OTOG: variants seen among roughly 807,000 people sequenced by gnomAD.
The protein encoded by OTOG is otogelin.
Under a neutral mutation model 313.8 loss-of-function variants are expected in OTOG, and 296 were observed. That is an observed-to-expected ratio of 0.94 (90% CI 0.86 to 1.04). The LOEUF is 1.04. Ranked by LOEUF, OTOG falls within the 50% of genes least tolerant of loss-of-function variation. The probability of loss-of-function intolerance (pLI) is 0.00; values close to 1 mark genes in which losing one functional copy is unlikely to be tolerated. For synonymous variants in OTOG, 1,533 were observed against 1,554.9 expected (o/e 0.99, Z 0.33); for missense variants, 3,948 against 3,840.1 (o/e 1.03, Z -0.74).
intron 13 of OTOG, 75 bp downstream of exon 13, chr11:17,560,892 A>G: frequency 1.5e-6 from 2 of 1,337,780 alleles, no homozygotes. Context: ...CCCATCTGGG[A>G]GCACTAATGG....
intron 39 of OTOG, among the ~76,000 whole-genome samples, chr11:17,628,109 T>A (rs1854028926): frequency 6.6e-6 from 1 of 152,150 alleles, no homozygotes; most frequent in Admixed American, 6.5e-5. Context: ...AATTTTGGAT[T>A]CGATTTGCTC....
At chr11:17,621,898 C>T (rs1853874238) in intron 39 of OTOG, among the ~76,000 whole-genome samples, 1 of 152,186 alleles carries the variant, frequency 6.6e-6, no homozygotes. Flanking sequence ...AGGGTAAATC[C>T]AGTTCCTATT....
chr11:17,641,608 C>T (rs776338859), intron 51 of OTOG, among the ~76,000 whole-genome samples: 4 of 151,682 alleles, frequency 2.6e-5, no homozygotes, highest in Non-Finnish European at 5.9e-5. Context: ...TAAAAACTGG[C>T]ATCCTTACTT....
At chr11:17,563,827 C>A (rs113281622) in intron 15 of OTOG, among the ~76,000 whole-genome samples, 1 of 150,764 alleles carries the variant, frequency 6.6e-6, no homozygotes, top group African/African-American at 2.5e-5. Context: ...ACCACAGACA[C>A]GTGCCACCAC....
chr11:17,632,563 T>C (rs948305449), intron 42 of OTOG, among the ~76,000 whole-genome samples: 3 of 152,040 alleles, frequency 2.0e-5, no homozygotes, highest in African/African-American at 7.2e-5. Flanking sequence ...CCCAGGGTGG[T>C]TTTGAGGATG....
At chr11:17,621,901 T>C (rs952054442) in intron 39 of OTOG, among the ~76,000 whole-genome samples, 1 of 152,230 alleles carries the variant, frequency 6.6e-6, no homozygotes, top group Non-Finnish European at 1.5e-5. Flanking sequence ...GTAAATCCAG[T>C]TCCTATTACT....
At position 17,572,141 on chromosome 11, in the gene OTOG, T is replaced by G. The variant is rs770794840; in HGVS notation, c.2017T>G (p.Ser673Ala). Reference sequence around the variant, plus strand: ...TTTTGGCAATTCCTGGAAAACACTTTCTGCTTGCTCCCCGCTGGTCTCTGG... The same window carrying G: ...TTTTGGCAATTCCTGGAAAACACTTGCTGCTTGCTCCCCGCTGGTCTCTGG... ...QLFGNSWKTL[S>A]ACSPLVSGSP... The change falls in exon 18 of 56, where the codon TCT (serine) becomes GCT (alanine). Residue 673 changes from serine (S) to alanine (A), a missense_variant. Physicochemically the swap from Ser to Ala is moderately conservative, Grantham distance 99. Coordinates refer to ENST00000399397, the MANE Select transcript of OTOG (RefSeq NM_001292063.2). 3.2e-6 allele frequency: 5 copies of G among 1,550,410 alleles called. No individual in the cohort carries two copies. In the African/African-American group the frequency reaches 4.1e-5, roughly 13 times the overall value.
At chr11:17,558,150 C>A (rs570337320) in intron 8 of OTOG, 35 bp from the exon 9 acceptor site, 3 of 1,549,278 alleles carry the variant, frequency 1.9e-6, no homozygotes, top group Non-Finnish European at 2.6e-6. Flanking sequence ...CCAACCCCAT[C>A]GCTGCCCCAT....
chr11:17,569,030 C>A, intron 15 of OTOG, 126 bp from the exon 16 acceptor site: 3 of 1,136,390 alleles, frequency 2.6e-6, no homozygotes, highest in Non-Finnish European at 2.5e-6. Flanking sequence ...ATCTTTGGGG[C>A]TCTGTCTGTC....
Position 17,597,080 on chromosome 11 carries a change from C to A in OTOG, c.3682+73C>A, listed in dbSNP as rs1009585475. 4.7e-6 allele frequency: 7 copies of A among 1,502,278 alleles called. No individual in the cohort carries two copies. In the South Asian group the frequency reaches 7.7e-5, roughly 17 times the overall value. 93.1% of individuals were successfully genotyped at this position (1,502,278 alleles called of 1,614,324 possible). The stretch of plus-strand genomic sequence containing the variant: ...TGTGGGCATGCCCTAGGGGTACTGG[C>A]AGTCTGTCTAGCATTTACTGAGTAC... On this transcript the variant is annotated intron_variant, in intron 30 of 55. Coordinates refer to ENST00000399397, the MANE Select transcript of OTOG (RefSeq NM_001292063.2).
At chr11:17,573,562 CA>C (rs1036877958) in intron 19 of OTOG, among the ~76,000 whole-genome samples, 1 of 152,184 alleles carries the variant, frequency 6.6e-6, no homozygotes, top group African/African-American at 2.4e-5. Context: ...CTGTTAATCC[CA>C]AATTCACCCA....
rs1853481696 is a variant in OTOG, at chr11:17,609,865, C to G, written c.4565C>G (p.Ser1522Cys). ...ACAGCCACTGAGGAGCCAGTGGTGT[C>G]TCCAGGCCCCACCCAGACCACCCTG... The part of the protein sequence containing the change: ...PVTATEEPVV[S>C]PGPTQTTLQQ... Residue 1522 changes from serine (S) to cysteine (C), a missense_variant, in exon 36 of 56, where the codon TCT (serine) becomes TGT (cysteine). Coordinates refer to ENST00000399397, the MANE Select transcript of OTOG (RefSeq NM_001292063.2). 7 of 1,517,910 alleles carry G rather than the reference C, an allele frequency of 4.6e-6. No homozygotes were observed. The African/African-American group carries it at 5.5e-5, about 12-fold the overall frequency. 94.0% of individuals were successfully genotyped at this position (1,517,910 alleles called of 1,614,324 possible). A position where few individuals can be genotyped will look rare whatever the true frequency, so the allele number is the denominator to read the frequency against.
At chr11:17,637,540 C>G (rs1854295291) in intron 47 of OTOG, among the ~76,000 whole-genome samples, 1 of 152,136 alleles carries the variant, frequency 6.6e-6, no homozygotes, top group Non-Finnish European at 1.5e-5. Flanking sequence ...ACTGAAATTT[C>G]CATCTAAGGA....
intron 23 of OTOG, among the ~76,000 whole-genome samples, chr11:17,578,989 C>G (rs889109924): frequency 9.2e-5 from 14 of 152,308 alleles, no homozygotes; most frequent in African/African-American, 2.9e-4. Context: ...AAGACCCCAC[C>G]CAGAGAAAAC....
chr11:17,567,277 T>C (rs1404552460), intron 15 of OTOG, among the ~76,000 whole-genome samples: 1 of 152,202 alleles, frequency 6.6e-6, no homozygotes, highest in African/African-American at 2.4e-5. Context: ...GATTTTGAGC[T>C]GTTTCAGGGA....
intron 48 of OTOG, 85 bp downstream of exon 48, chr11:17,638,634 G>T (rs12290375): frequency 6.7e-7 from 1 of 1,486,836 alleles, no homozygotes; most frequent in Non-Finnish European, 9.2e-7. Flanking sequence ...GCCTACCACC[G>T]TCCACTCCTC....
intron 49 of OTOG, 80 bp from the exon 50 acceptor site, chr11:17,640,665 G>C: frequency 7.0e-7 from 1 of 1,427,994 alleles, no homozygotes; most frequent in Non-Finnish European, 9.5e-7. Flanking sequence ...CTGACGTAGA[G>C]AGGGGCCCAG....
At chr11:17,636,080 G>A (rs913983558) in intron 47 of OTOG, among the ~76,000 whole-genome samples, 2 of 152,218 alleles carry the variant, frequency 1.3e-5, no homozygotes, top group African/African-American at 2.4e-5. Context: ...TGTCGCCATA[G>A]TGCCCGCTCC....
At position 17,574,808 on chromosome 11, in the gene OTOG, T is replaced by G; in HGVS notation, c.2382T>G (p.Cys794Trp). Reference protein sequence around the residue: ...TCQDLASPEACGVDGGDDLSR... With the variant: ...TCQDLASPEAWGVDGGDDLSR... ...AGGACCTGGCCAGCCCTGAGGCCTG[T>G]GGGGTTGATGGTGGCGATGACCTGA... Residue 794 changes from cysteine (C) to tryptophan (W), a missense_variant, in exon 20 of 56, where the codon TGT becomes TGG. Coordinates refer to ENST00000399397, the MANE Select transcript of OTOG (RefSeq NM_001292063.2). 6.4e-7 allele frequency: 1 copy of G among 1,550,460 alleles called. No individual in the cohort carries two copies. Among genetic ancestry groups the G allele is most frequent in the South Asian group, 1.2e-5 (1 of 84,028 alleles).
Sources: allele counts gnomAD v4.1 joint callset (sites outside exome capture counted in the v4.1 genomes callset), GRCh38; gene constraint gnomAD v4.1.1; transcripts MANE v1.5; gene names NCBI Gene and HGNC (gene_info 2026-07-23, HGNC 2026-07-21).